The following ZNF503 variants were observed in gnomAD, a reference collection of about 807,000 sequenced individuals.
ZNF503 encodes the protein NocA-like zinc finger 2.
ZNF503 carries 15 observed loss-of-function variants against 34.4 expected under a neutral mutation model. The ratio of observed to expected loss-of-function variants is 0.44; its 90% CI spans 0.29 to 0.67. The LOEUF (loss-of-function observed/expected upper bound fraction) is 0.67, where lower values mean the gene tolerates loss of function less well. Ranked by LOEUF, ZNF503 falls within the 30% of genes least tolerant of loss-of-function variation. The pLI is 0.13. For synonymous variants in ZNF503, 580 were observed against 456.8 expected, an observed-to-expected ratio of 1.27 and a Z score of -3.44; for missense variants, 1,007 against 926.8, an observed-to-expected ratio of 1.09 and a Z score of -1.12.
chr10:75,280,865 GA>G, the ZNF503 span, among the ~76,000 whole-genome samples: 2 of 152,156 alleles, frequency 1.3e-5, no homozygotes, highest in Admixed American at 6.5e-5. Context: ...GAGCTGAGTA[GA>G]AATTAGGCAG....
chr10:75,306,001 T>C, the ZNF503 span, among the ~76,000 whole-genome samples: 1 of 152,234 alleles, frequency 6.6e-6, no homozygotes, highest in Admixed American at 6.5e-5. Context: ...GCTATTAATA[T>C]GGGTGTACAG....
At chr10:75,282,260 A>AGG in the ZNF503 span, among the ~76,000 whole-genome samples, 1 of 148,686 alleles carries the variant, frequency 6.7e-6, no homozygotes, top group Non-Finnish European at 1.5e-5. Flanking sequence ...ATCACAGGCA[A>AGG]GGGGAAGTCT....
At chr10:75,385,989 A>T in the ZNF503 span, among the ~76,000 whole-genome samples, 117 of 152,306 alleles carry the variant, frequency 7.7e-4, 1 homozygote, top group African/African-American at 2.7e-3. Context: ...CTCAAGCCAT[A>T]CAAAAGTCTA....
chr10:75,287,430 C>T, the ZNF503 span, among the ~76,000 whole-genome samples: 3 of 152,142 alleles, frequency 2.0e-5, no homozygotes, highest in Non-Finnish European at 4.4e-5. Context: ...TGCATGCCTG[C>T]TCCCCATCCT....
chr10:75,353,462 C>A, the ZNF503 span, among the ~76,000 whole-genome samples: 1 of 152,188 alleles, frequency 6.6e-6, no homozygotes, highest in Non-Finnish European at 1.5e-5. Flanking sequence ...GAGGGCAGTG[C>A]GGCCAGGACC....
At chr10:75,375,277 C>T in the ZNF503 span, among the ~76,000 whole-genome samples, 3 of 152,060 alleles carry the variant, frequency 2.0e-5, no homozygotes, top group African/African-American at 7.2e-5. Context: ...CATGCCACCA[C>T]ACCTGGCTAA....
At chr10:75,344,584 A>G in the ZNF503 span, among the ~76,000 whole-genome samples, 2 of 152,234 alleles carry the variant, frequency 1.3e-5, no homozygotes, top group Admixed American at 1.3e-4. Flanking sequence ...TCTATGAAGG[A>G]AAGACCAAGA....
chr10:75,306,235 T>G, the ZNF503 span, among the ~76,000 whole-genome samples: 1,694 of 152,296 alleles, frequency 0.011, 33 homozygotes, highest in African/African-American at 0.039. Context: ...ACAGTCACCC[T>G]AATGGGTGTG....
chr10:75,386,073 C>T, the ZNF503 span, among the ~76,000 whole-genome samples: 1 of 152,204 alleles, frequency 6.6e-6, no homozygotes, highest in Admixed American at 6.5e-5. Flanking sequence ...TTCATCCATT[C>T]CCCCATTTCC....
the ZNF503 span, among the ~76,000 whole-genome samples, chr10:75,304,575 G>A: frequency 2.0e-5 from 3 of 152,110 alleles, no homozygotes; most frequent in Admixed American, 1.3e-4. Flanking sequence ...AATCAGTTGT[G>A]TATGTTCCTA....
the ZNF503 span, among the ~76,000 whole-genome samples, chr10:75,284,960 G>A: frequency 6.6e-6 from 1 of 152,204 alleles, no homozygotes; most frequent in Admixed American, 6.5e-5. Context: ...GATAAGTCAG[G>A]CATACTACAC....
At chr10:75,333,843 T>C in the ZNF503 span, among the ~76,000 whole-genome samples, 1 of 21,748 alleles carries the variant, frequency 4.6e-5, no homozygotes, top group Non-Finnish European at 8.1e-5. Context: ...GCAGAGACGC[T>C]CCTGACCTCC....
chr10:75,381,080 A>G, the ZNF503 span, among the ~76,000 whole-genome samples: 1 of 152,214 alleles, frequency 6.6e-6, no homozygotes, highest in Admixed American at 6.5e-5. Context: ...CTGATTTGTA[A>G]TTGATTTTAA....
chr10:75,299,273 G>A, the ZNF503 span, among the ~76,000 whole-genome samples: 1 of 152,164 alleles, frequency 6.6e-6, no homozygotes, highest in Non-Finnish European at 1.5e-5. Flanking sequence ...GTTAATTTCT[G>A]TGTATGGTAT....
the ZNF503 span, among the ~76,000 whole-genome samples, chr10:75,359,268 T>C: frequency 6.6e-6 from 1 of 152,238 alleles, no homozygotes; most frequent in Non-Finnish European, 1.5e-5. Flanking sequence ...AATAAAAGTT[T>C]TGGGCCCAGC....
the ZNF503 span, chr10:75,361,334 C>G: frequency 1.3e-5 from 2 of 152,166 alleles, no homozygotes; most frequent in Non-Finnish European, 2.9e-5. Context: ...TTCTGGAAAA[C>G]AAGAGGGCAT....
chr10:75,285,086 A>T, the ZNF503 span, among the ~76,000 whole-genome samples: 1 of 152,196 alleles, frequency 6.6e-6, no homozygotes, highest in African/African-American at 2.4e-5. Context: ...ACAGCCAACA[A>T]CCCTGACTTA....
the ZNF503 span, among the ~76,000 whole-genome samples, chr10:75,377,547 C>T: frequency 2.0e-5 from 3 of 152,170 alleles, no homozygotes; most frequent in African/African-American, 7.2e-5. Context: ...TGAGTTCTAC[C>T]TCAGTCCATG....
the ZNF503 span, among the ~76,000 whole-genome samples, chr10:75,345,739 G>GCTGATA: frequency 6.6e-6 from 1 of 152,148 alleles, no homozygotes; most frequent in East Asian, 1.9e-4. Flanking sequence ...GGTGAGCCAA[G>GCTGATA]CTGATATCAG....
Sources: allele counts gnomAD v4.1 joint callset (sites outside exome capture counted in the v4.1 genomes callset), GRCh38; gene constraint gnomAD v4.1.1; transcripts MANE v1.5; gene names NCBI Gene and HGNC (gene_info 2026-07-23, HGNC 2026-07-21).